The following SIRPD variants were observed in gnomAD, a reference collection of about 807,000 sequenced individuals.
The protein encoded by SIRPD is signal regulatory protein delta.
In SIRPD, 21 loss-of-function variants were observed where a neutral mutation model predicts 18.0. The observed-to-expected ratio is 1.17, with a 90% CI of 0.83 to 1.68. SIRPD has a LOEUF of 1.68. Ranked by LOEUF, SIRPD falls within the 40% of genes most tolerant of loss-of-function variation. SIRPD has a pLI of 0.00. For missense variants in SIRPD, 295 were observed against 238.4 expected, an observed-to-expected ratio of 1.24 and a Z score of -1.56; for synonymous variants, 106 against 92.9, an observed-to-expected ratio of 1.14 and a Z score of -0.81.
At chr20:1,547,343 C>T (rs1368522587) in intron 2 of SIRPD, among the ~76,000 whole-genome samples, 1 of 152,160 alleles carries the variant, frequency 6.6e-6, no homozygotes, top group Non-Finnish European at 1.5e-5. Flanking sequence ...TCTCTCTTTT[C>T]CATTGGTCTA....
Position 1,537,301 on chromosome 20 carries a change from G to A in SIRPD, c.431C>T (p.Pro144Leu). 3 of 1,613,884 alleles carry A rather than the reference G, an allele frequency of 1.9e-6. No homozygotes were observed. The highest frequency in any genetic ancestry group is 1.7e-6 in the Non-Finnish European group (2 of 1,179,820). The change falls in exon 3 of 4, where the codon CCA (proline) becomes CTA (leucine). Residue 144 changes from proline (P) to leucine (L), a missense_variant. Transcript: ENST00000381623. ...TGCAGGTCTGTTCTTGGGAGGTCTT[G>A]GATTCTGCTCTGCTGAGAGAGGCAA... ...GTQVFVTEQN[P>L]RPPKNRPAGR...
intron 2 of SIRPD, among the ~76,000 whole-genome samples, chr20:1,538,865 T>G (rs6034006): frequency 0.13 from 20,104 of 152,176 alleles, 1,555 homozygotes; most frequent in Admixed American, 0.25. Context: ...ATAGCAGAGA[T>G]AAGTCATTCT....
chr20:1,540,792 C>T (rs1212058274), intron 2 of SIRPD, among the ~76,000 whole-genome samples: 2 of 152,126 alleles, frequency 1.3e-5, no homozygotes, highest in African/African-American at 4.8e-5. Context: ...CTCCTCTTGT[C>T]CCCCACCACC....
rs565265427 is a variant in SIRPD, at chr20:1,543,555, TG to T, written c.422-6246del. ...TAATCTACTCTATCTGTTTTGTTAA[TG>T]TTTTAAAAAAAACAGCTCCTTGATT... On this transcript the variant is annotated intron_variant, in intron 2 of 3. Transcript: ENST00000381623. Among the ~76,000 whole-genome samples the T allele has an allele frequency of 3.9e-5, 6 of 152,330 alleles. No homozygotes were observed. In the South Asian group the frequency reaches 1.2e-3, roughly 32 times the overall value.
chr20:1,535,580 T>A (rs1382863874), intron 3 of SIRPD, among the ~76,000 whole-genome samples: 1 of 152,260 alleles, frequency 6.6e-6, no homozygotes, highest in East Asian at 1.9e-4. Flanking sequence ...CTGTGCTGCC[T>A]CAGGACTCTT....
chr20:1,540,290 C>A (rs186640280), intron 2 of SIRPD: 2 of 455,986 alleles, frequency 4.4e-6, no homozygotes, highest in East Asian at 1.4e-4. Flanking sequence ...TGATTTCAGT[C>A]CAGAGATGCA....
chr20:1,547,598 A>C (rs2090999241), intron 2 of SIRPD, among the ~76,000 whole-genome samples: 1 of 151,990 alleles, frequency 6.6e-6, no homozygotes, highest in South Asian at 2.1e-4. Context: ...CTCCTACTTT[A>C]TTTTTCAGGA....
intron 2 of SIRPD, among the ~76,000 whole-genome samples, chr20:1,542,638 C>A (rs748403985): frequency 3.3e-5 from 5 of 152,160 alleles, no homozygotes; most frequent in Non-Finnish European, 7.3e-5. Flanking sequence ...ATTTCTTTCT[C>A]TTGCCTGATT....
intron 2 of SIRPD, among the ~76,000 whole-genome samples, chr20:1,550,197 T>C (rs554206689): frequency 1.3e-5 from 2 of 152,334 alleles, no homozygotes; most frequent in East Asian, 3.9e-4. Flanking sequence ...GTGTGGACCA[T>C]GTGGTGGATG....
intron 2 of SIRPD, chr20:1,540,011 CAGTA>C (rs1205717763): frequency 4.3e-6 from 1 of 229,892 alleles, no homozygotes; most frequent in African/African-American, 2.3e-5. Flanking sequence ...CACTGGGAGA[CAGTA>C]AGTGTTTGTT....
chr20:1,551,819 G>C lies in SIRPD; in HGVS notation c.293C>G (p.Thr98Arg), dbSNP rs1296144503. The C allele has an allele frequency of 6.2e-7, 1 of 1,614,038 alleles. No individual in the cohort carries two copies. The highest frequency in any genetic ancestry group is 1.3e-5 in the African/African-American group (1 of 74,932). ...TTCACGGATGCGGGTGGAAAAGTCT[G>C]TGTTGCCAGGCTTGGTGGTGTCTCC... ...EIGDTTKPGN[T>R]DFSTRIREIS... Residue 98 changes from threonine to arginine, a missense_variant, in exon 2 of 4, where the codon ACA becomes AGA. Physicochemically the swap from Thr to Arg is moderately conservative, Grantham distance 71 (BLOSUM62 -1). Coordinates refer to ENST00000381623, the MANE Select transcript of SIRPD (RefSeq NM_178460.3).
chr20:1,534,284 G>A lies in SIRPD; in HGVS notation c.*141C>T. The stretch of plus-strand genomic sequence containing the variant: ...AGGTAAATAGACAGATTTATTGTAC[G>A]ATCAAGCTGGCATTTTATGTCAGTG... On this transcript the variant is annotated 3_prime_UTR_variant, in exon 4 of 4. Coordinates refer to ENST00000381623, the MANE Select transcript of SIRPD (RefSeq NM_178460.3). 10 of 1,144,168 alleles carry A rather than the reference G, an allele frequency of 8.7e-6. No individual in the cohort carries two copies. The highest frequency in any genetic ancestry group is 2.4e-5 in the East Asian group (1 of 42,172). 70.9% of individuals were successfully genotyped at this position (1,144,168 alleles called of 1,614,324 possible). A position where few individuals can be genotyped will look rare whatever the true frequency, so the allele number is the denominator to read the frequency against.
intron 2 of SIRPD, among the ~76,000 whole-genome samples, chr20:1,544,056 A>C (rs879668915): frequency 2.0e-5 from 3 of 152,102 alleles, no homozygotes; most frequent in Non-Finnish European, 4.4e-5. Flanking sequence ...AGAATAAGTG[A>C]GATATGGTGC....
At chr20:1,541,172 C>G (rs976964911) in intron 2 of SIRPD, among the ~76,000 whole-genome samples, 2 of 152,162 alleles carry the variant, frequency 1.3e-5, no homozygotes. Context: ...ATTGCTGGGT[C>G]AAATGGTATT....
chr20:1,551,797 A>C lies in SIRPD; in HGVS notation c.315T>G (p.Arg105=). Residue 105 remains arginine (R), a synonymous_variant, in exon 2 of 4, where the codon CGT becomes CGG. Transcript: ENST00000381623. The stretch of plus-strand genomic sequence containing the variant: ...TGCCAGCATCAGCAAGAGAGATTTC[A>C]CGGATGCGGGTGGAAAAGTCTGTGT... ...PGNTDFSTRI[R]EISLADAGTY... 2 of 1,614,108 alleles carry C rather than the reference A, an allele frequency of 1.2e-6. No individual in the cohort carries two copies. Among genetic ancestry groups the C allele is most frequent in the South Asian group, 2.2e-5 (2 of 91,086 alleles).
intron 2 of SIRPD, among the ~76,000 whole-genome samples, chr20:1,540,997 C>T (rs2090968648): frequency 6.6e-6 from 1 of 152,168 alleles, no homozygotes; most frequent in Non-Finnish European, 1.5e-5. Flanking sequence ...CATAGTATTC[C>T]ATGGTGTATA....
At chr20:1,542,524 T>G (rs781213774) in intron 2 of SIRPD, among the ~76,000 whole-genome samples, 1 of 152,228 alleles carries the variant, frequency 6.6e-6, no homozygotes, top group Non-Finnish European at 1.5e-5. Context: ...CTTATTAGCT[T>G]AAGGAGTTTT....
intron 2 of SIRPD, among the ~76,000 whole-genome samples, chr20:1,550,018 C>T (rs2091011694): frequency 6.6e-6 from 1 of 152,174 alleles, no homozygotes; most frequent in Non-Finnish European, 1.5e-5. Flanking sequence ...AAACAGCTGT[C>T]ATGCACTCCT....
At chr20:1,551,000 G>T (rs749859360) in intron 2 of SIRPD, among the ~76,000 whole-genome samples, 5 of 152,210 alleles carry the variant, frequency 3.3e-5, no homozygotes. Flanking sequence ...ACATAGATTT[G>T]TACTTGCAGT....
Sources: gnomAD v4.1 joint callset for allele counts (sites outside exome capture counted in the v4.1 genomes callset) on GRCh38, gnomAD v4.1.1 for gene constraint, MANE v1.5 for transcripts, NCBI Gene and HGNC (gene_info 2026-07-23, HGNC 2026-07-21) for gene names.